ZNF566: variants seen among roughly 807,000 people sequenced by gnomAD.
ZNF566 encodes zinc finger protein 566.
A neutral mutation model predicts 32.8 loss-of-function variants in ZNF566; 27 were observed. That is an observed-to-expected ratio of 0.82 (90% CI 0.61 to 1.14). ZNF566 has a LOEUF of 1.14. Among genes scored for constraint, ZNF566 ranks in the 50% most tolerant of loss-of-function variants. The pLI, the probability that ZNF566 is intolerant of heterozygous loss-of-function variation, is 0.00. For synonymous variants in ZNF566, 154 were observed against 159.5 expected (o/e 0.97, Z 0.26); for missense variants, 402 against 490.4 (o/e 0.82, Z 1.70).
At chr19:36,472,851 T>A in intron 4 of ZNF566, 60 bp downstream of exon 4, 2 of 1,372,052 alleles carry the variant, frequency 1.5e-6, no homozygotes, top group Non-Finnish European at 2.0e-6. Flanking sequence ...CCAGATAGCA[T>A]CTAAAAGATG....
Position 36,449,263 on chromosome 19 carries a change from G to A in ZNF566, c.971C>T (p.Ser324Leu). The A allele has an allele frequency of 6.2e-7, 1 of 1,614,086 alleles. No homozygotes were observed. Among genetic ancestry groups the A allele is most frequent in the Non-Finnish European group, 8.5e-7 (1 of 1,180,016 alleles). The change falls in exon 5 of 5, where the codon TCA (serine) becomes TTA (leucine). Residue 324 changes from serine to leucine, a missense_variant. Ser to Leu is a moderately radical substitution (Grantham distance 145). Around this residue, in one of 3 missense-constraint regions of ZNF566, gnomAD observed 135 missense variants for 210.0 expected, o/e 0.64. Coordinates refer to ENST00000452939, the MANE Select transcript of ZNF566 (RefSeq NM_001145344.1). ...KECGNAFSQS[S>L]QLIKHQRIHT... ...GATTCTTTGATGTTTAATAAGTTGT[G>A]AGCTCTGACTAAAGGCATTGCCACA...
rs2033817087 is a variant in ZNF566, at chr19:36,473,559, A to G, written c.10-101T>C. The G allele has an allele frequency of 4.4e-6, 5 of 1,136,448 alleles. No individual in the cohort carries two copies. In the East Asian group the frequency reaches 1.3e-4, roughly 29 times the overall value. The allele number at this position is 1,136,448 out of a possible 1,614,324, so 70.4% of individuals were successfully genotyped here. A position where few individuals can be genotyped will look rare whatever the true frequency, so the allele number is the denominator to read the frequency against. On this transcript the variant is annotated intron_variant, in intron 2 of 4. Transcript: ENST00000452939. ...GATTAAGGTAGAGGAAGTAAAATAT[A>G]GTGAGCATATGAATGTCTGGGAAGC...
chr19:36,487,603 T>C (rs1436234889), intron 1 of ZNF566, among the ~76,000 whole-genome samples: 2 of 152,142 alleles, frequency 1.3e-5, no homozygotes, highest in African/African-American at 2.4e-5. Flanking sequence ...CATATATACA[T>C]GAAGTTCAAG....
At chr19:36,471,208 T>G (rs530118788) in intron 4 of ZNF566, among the ~76,000 whole-genome samples, 62 of 120,178 alleles carry the variant, frequency 5.2e-4, no homozygotes, top group African/African-American at 1.9e-3. Flanking sequence ...AGCGAGACTC[T>G]GTCTCAAAAA....
intron 1 of ZNF566, 37 bp from the exon 2 acceptor site, chr19:36,476,653 T>C: frequency 6.5e-7 from 1 of 1,539,976 alleles, no homozygotes; most frequent in Non-Finnish European, 8.9e-7. Context: ...AGACCCCACT[T>C]TCCTCACAGC....
Position 36,448,851 on chromosome 19 carries a change from G to T in ZNF566, c.*126C>A. On this transcript the variant is annotated 3_prime_UTR_variant, in exon 5 of 5. Coordinates refer to ENST00000452939, the MANE Select transcript of ZNF566 (RefSeq NM_001145344.1). The stretch of plus-strand genomic sequence containing the variant: ...TCTCCAACATTATTTTTCCCAGGCT[G>T]AATAAGCTGTAGTCCACAAATAAAA... 1 of 811,606 alleles carries T rather than the reference G, an allele frequency of 1.2e-6. No individual in the cohort carries two copies. Among genetic ancestry groups the T allele is most frequent in the Non-Finnish European group, 1.8e-6 (1 of 546,980 alleles). The allele number at this position is 811,606 out of a possible 1,614,324, so 50.3% of individuals were successfully genotyped here. A position where few individuals can be genotyped will look rare whatever the true frequency, so the allele number is the denominator to read the frequency against.
chr19:36,488,315 C>T (rs918829635), intron 1 of ZNF566, among the ~76,000 whole-genome samples: 1 of 152,034 alleles, frequency 6.6e-6, no homozygotes, highest in African/African-American at 2.4e-5. Flanking sequence ...GGCTGGTCTC[C>T]AGCTCCTGGC....
chr19:36,476,307 A>G (rs1052834723), intron 2 of ZNF566: 3 of 128,818 alleles, frequency 2.3e-5, no homozygotes, highest in Non-Finnish European at 4.9e-5. Flanking sequence ...CTCCATCTCG[A>G]AAAAAAAAAA....
rs1396333430 is a variant in ZNF566, at chr19:36,449,890, C to T, written c.344G>A (p.Cys115Tyr). 2 of 1,614,058 alleles carry T rather than the reference C, an allele frequency of 1.2e-6. No individual in the cohort carries two copies. The highest frequency in any genetic ancestry group is 1.7e-5 in the Admixed American group (1 of 60,006). The change falls in exon 5 of 5, where the codon TGC (cysteine) becomes TAC (tyrosine). Residue 115 changes from cysteine (C) to tyrosine (Y), a missense_variant. Around this residue, in one of 3 missense-constraint regions of ZNF566, gnomAD observed 220 missense variants for 241.9 expected, o/e 0.91. Transcript: ENST00000452939. Reference sequence around the variant, plus strand: ...TTCCCAATCATCTCTGAAACTGGAGCACTGAAAATCACGTCTTGTGAGTTT... The same window carrying T: ...TTCCCAATCATCTCTGAAACTGGAGTACTGAAAATCACGTCTTGTGAGTTT... ...MEKLTRRDFQ[C>Y]SSFRDDWECN...
intron 1 of ZNF566, among the ~76,000 whole-genome samples, chr19:36,485,746 G>A (rs1370293266): frequency 6.8e-6 from 1 of 147,276 alleles, no homozygotes; most frequent in African/African-American, 2.5e-5. Context: ...TGGGGGACAA[G>A]AGCAAGACTT....
At chr19:36,468,640 G>A (rs2033686775) in intron 4 of ZNF566, among the ~76,000 whole-genome samples, 1 of 151,614 alleles carries the variant, frequency 6.6e-6, no homozygotes, top group African/African-American at 2.4e-5. Flanking sequence ...TAGTTTGGGA[G>A]CAGTAGCTCA....
At chr19:36,477,011 T>C (rs1019955158) in intron 1 of ZNF566, among the ~76,000 whole-genome samples, 5 of 152,126 alleles carry the variant, frequency 3.3e-5, no homozygotes, top group African/African-American at 1.2e-4. Flanking sequence ...AACTTAATTT[T>C]TTTTTTCTTT....
At chr19:36,455,570 C>T (rs923760467) in intron 4 of ZNF566, among the ~76,000 whole-genome samples, 6 of 151,890 alleles carry the variant, frequency 4.0e-5, no homozygotes, top group South Asian at 2.1e-4. Flanking sequence ...GGCAACATCC[C>T]GTCTCTACTA....
chr19:36,487,897 CAAAAAAAAAA>C (rs201784748), intron 1 of ZNF566, among the ~76,000 whole-genome samples: 18 of 75,562 alleles, frequency 2.4e-4, no homozygotes, highest in African/African-American at 8.4e-4. Context: ...GACTCTGTCT[CAAAAAAAAAA>C]AAAAAAAAAA....
At position 36,449,076 on chromosome 19, in the gene ZNF566, A is replaced by G. The variant is rs756064853; in HGVS notation, c.1158T>C (p.His386=). 2 of 1,613,962 alleles carry G rather than the reference A, an allele frequency of 1.2e-6. No homozygotes were observed. Among genetic ancestry groups the G allele is most frequent in the African/African-American group, 1.3e-5 (1 of 75,042 alleles). The part of the protein sequence containing the change: ...YSQSSQLISH[H]RIHTSEKPYE... ...AGGGTTTCTCACTAGTATGAATTCT[A>G]TGATGACTAATAAGCTGTGAACTCT... Residue 386 remains histidine, a synonymous_variant, in exon 5 of 5, where the codon CAT becomes CAC. Coordinates refer to ENST00000452939, the MANE Select transcript of ZNF566 (RefSeq NM_001145344.1).
At chr19:36,452,114 C>T (rs954826232) in intron 4 of ZNF566, among the ~76,000 whole-genome samples, 11 of 150,866 alleles carry the variant, frequency 7.3e-5, no homozygotes, top group African/African-American at 2.4e-4. Flanking sequence ...AGTTAGAAGA[C>T]TTGAAAGTCA....
At chr19:36,468,140 G>A (rs1357277078) in intron 4 of ZNF566, among the ~76,000 whole-genome samples, 5 of 147,300 alleles carry the variant, frequency 3.4e-5, no homozygotes, top group Non-Finnish European at 5.9e-5. Flanking sequence ...AGCCGAGATC[G>A]TGTCATTGCA....
chr19:36,466,311 G>A (rs2033611527), intron 4 of ZNF566, among the ~76,000 whole-genome samples: 1 of 151,768 alleles, frequency 6.6e-6, no homozygotes. Flanking sequence ...CAGGTGGGAG[G>A]GGTGAGGACA....
intron 4 of ZNF566, among the ~76,000 whole-genome samples, chr19:36,450,423 A>G (rs528901830): frequency 6.6e-5 from 10 of 152,202 alleles, no homozygotes; most frequent in Admixed American, 2.0e-4. Context: ...AGGCAGGCAG[A>G]TCACTTGGTC....
Sources: gnomAD v4.1 joint callset for allele counts (sites outside exome capture counted in the v4.1 genomes callset) on GRCh38, gnomAD v4.1.1 for gene constraint, gnomAD v4.1.1 regional missense constraint, MANE v1.5 for transcripts, NCBI Gene and HGNC (gene_info 2026-07-23, HGNC 2026-07-21) for gene names.